Variants in LPP observed in about 807,000 individuals in gnomAD.
LPP encodes the protein LIM domain containing preferred translocation partner in lipoma.
A neutral mutation model predicts 60.4 loss-of-function variants in LPP; 38 were observed. The ratio of observed to expected loss-of-function variants is 0.63; its 90% CI spans 0.49 to 0.83. LPP has a LOEUF of 0.83. Among genes scored for constraint, LPP ranks in the 40% least tolerant of loss-of-function variants. LPP has a pLI of 0.00. For missense variants in LPP, 902 were observed against 783.6 expected (o/e 1.15, Z -1.80); for synonymous variants, 328 against 290.8 (o/e 1.13, Z -1.30).
intron 9 of LPP, among the ~76,000 whole-genome samples, chr3:188,797,115 C>CCCTCCTCCT (rs4011849): frequency 0.025 from 3,769 of 149,742 alleles, 93 homozygotes; most frequent in African/African-American, 0.066. Flanking sequence ...AGCTCTTTTC[C>CCCTCCTCCT]CCTCCTCCTC....
chr3:188,777,502 T>C (rs1738206370), intron 9 of LPP, among the ~76,000 whole-genome samples: 1 of 152,132 alleles, frequency 6.6e-6, no homozygotes, highest in Non-Finnish European at 1.5e-5. Flanking sequence ...TAAATGGGAA[T>C]TATTTTAAGT....
At chr3:188,851,999 A>G (rs980567777) in intron 9 of LPP, among the ~76,000 whole-genome samples, 6 of 152,110 alleles carry the variant, frequency 3.9e-5, no homozygotes, top group African/African-American at 1.2e-4. Flanking sequence ...ACCTGTCTCT[A>G]CTAAAAATAC....
chr3:188,350,822 C>T (rs1422316188), intron 3 of LPP, among the ~76,000 whole-genome samples: 1 of 152,180 alleles, frequency 6.6e-6, no homozygotes, highest in African/African-American at 2.4e-5. Flanking sequence ...GAATCTAAGA[C>T]ATAAAACGAA....
rs1043863735 is a variant in LPP at position 188,866,191 on chromosome 3, C to G, written c.1411-9C>G. ...CCCAGTCTGACGTGGTTTCTGTTTC[C>G]TTCCCCAGAATACTCTGGAGCAGTG... On this transcript the variant is annotated splice_polypyrimidine_tract_variant and intron_variant, in intron 9 of 11. Transcript: ENST00000617246. 3 of 1,452,722 alleles carry G rather than the reference C, an allele frequency of 2.1e-6. No individual in the cohort carries two copies. The highest frequency in any genetic ancestry group is 2.7e-6 in the Non-Finnish European group (3 of 1,092,354). 90.0% of individuals were successfully genotyped at this position (1,452,722 alleles called of 1,614,324 possible). A position where few individuals can be genotyped will look rare whatever the true frequency, so the allele number is the denominator to read the frequency against.
intron 7 of LPP, among the ~76,000 whole-genome samples, chr3:188,636,806 C>T (rs899775684): frequency 7.2e-5 from 11 of 151,784 alleles, no homozygotes; most frequent in Non-Finnish European, 1.5e-5. Flanking sequence ...ACGCTGACAC[C>T]TCACACGGCA....
intron 2 of LPP, among the ~76,000 whole-genome samples, chr3:188,334,070 A>C (rs150762478): frequency 1.1e-3 from 168 of 152,204 alleles, no homozygotes; most frequent in African/African-American, 3.9e-3. Context: ...TTTACTCTCT[A>C]TGTGATCGAT....
chr3:188,407,791 T>TTTTTTTTTTTTTTTTTTTTTTTTG (rs1783984681), intron 4 of LPP, among the ~76,000 whole-genome samples: 1 of 34,136 alleles, frequency 2.9e-5, no homozygotes, highest in African/African-American at 4.9e-5. Context: ...TTTGTTTGTT[T>TTTTTTTTTTTTTTTTTTTTTTTTG]TTTTTTTTTT....
chr3:188,225,777 G>T (rs59070844), intron 2 of LPP, among the ~76,000 whole-genome samples: 1 of 152,220 alleles, frequency 6.6e-6, no homozygotes, highest in South Asian at 2.1e-4. Context: ...GAAGGTGGTA[G>T]CATTGAACTT....
At position 188,825,544 on chromosome 3, in the gene LPP, A is replaced by G. The variant is rs144780864; in HGVS notation, c.1411-40656A>G. On this transcript the variant is annotated intron_variant, in intron 9 of 11. Transcript: ENST00000617246. ...TCTGAAGTGTGAATCTATTGCTATT[A>G]TCCTCAGTTTGGCAGGCGACAGGGT... 1.5e-3 allele frequency among the ~76,000 whole-genome samples: 234 copies of G among 152,068 alleles called. 1 individual carries two copies. The highest frequency in any genetic ancestry group is 5.6e-3 in the African/African-American group (231 of 41,490).
At chr3:188,704,556 T>C (rs1002185195) in intron 7 of LPP, among the ~76,000 whole-genome samples, 1 of 152,180 alleles carries the variant, frequency 6.6e-6, no homozygotes, top group Non-Finnish European at 1.5e-5. Context: ...ACTCACCATC[T>C]CATTTCAGTC....
At chr3:188,788,026 G>A (rs1311511638) in intron 9 of LPP, among the ~76,000 whole-genome samples, 1 of 152,150 alleles carries the variant, frequency 6.6e-6, no homozygotes, top group Non-Finnish European at 1.5e-5. Context: ...TCCATGAATG[G>A]CATTACCTTG....
chr3:188,219,308 C>G (rs1383704886), intron 1 of LPP, among the ~76,000 whole-genome samples: 1 of 152,170 alleles, frequency 6.6e-6, no homozygotes, highest in Non-Finnish European at 1.5e-5. Flanking sequence ...TTCTTTGACT[C>G]TATCCTGTTC....
At chr3:188,780,510 C>T (rs1402005268) in intron 9 of LPP, among the ~76,000 whole-genome samples, 30 of 152,108 alleles carry the variant, frequency 2.0e-4, no homozygotes, top group Admixed American at 2.0e-3. Context: ...CCAAAGGAAT[C>T]ATCTGTGAAG....
Position 188,505,747 on chromosome 3 carries a change from C to T in LPP, c.307-18918C>T, listed in dbSNP as rs1022665868. 3.9e-5 allele frequency among the ~76,000 whole-genome samples: 6 copies of T among 152,300 alleles called. No homozygotes were observed. The East Asian group carries it at 9.6e-4, about 24-fold the overall frequency. ...TTATTTCAATCTCTTTATTTTCTTG[C>T]CCATCATCCTAGTTCATATCTTCTG... On this transcript the variant is annotated intron_variant, in intron 5 of 11. Transcript: ENST00000617246.
At chr3:188,568,557 A>C (rs1476299278) in intron 6 of LPP, 1 of 151,972 alleles carries the variant, frequency 6.6e-6, no homozygotes, top group Non-Finnish European at 1.5e-5. Context: ...TTGGTGCTAT[A>C]GACCAGTACT....
chr3:188,506,126 G>C (rs189294329), intron 5 of LPP, among the ~76,000 whole-genome samples: 5 of 152,220 alleles, frequency 3.3e-5, no homozygotes, highest in Admixed American at 6.5e-5. Flanking sequence ...CTGACAACTG[G>C]ATCATCTTGA....
intron 5 of LPP, among the ~76,000 whole-genome samples, chr3:188,516,759 G>C (rs75039128): frequency 0.023 from 3,455 of 151,898 alleles, 130 homozygotes; most frequent in African/African-American, 0.078. Context: ...CTACGAACTT[G>C]GTAGAAATGT....
chr3:188,294,900 C>T (rs1461940967), intron 2 of LPP, among the ~76,000 whole-genome samples: 1 of 152,234 alleles, frequency 6.6e-6, no homozygotes, highest in Non-Finnish European at 1.5e-5. Context: ...GAGTCCTGGC[C>T]AGTGTCTGAC....
intron 7 of LPP, among the ~76,000 whole-genome samples, chr3:188,685,366 C>T (rs960875096): frequency 3.9e-5 from 6 of 152,012 alleles, no homozygotes; most frequent in African/African-American, 1.4e-4. Flanking sequence ...GTGTGGTCCA[C>T]AGCCTCGGTG....
Sources: gnomAD v4.1 joint callset for allele counts (sites outside exome capture counted in the v4.1 genomes callset) on GRCh38, gnomAD v4.1.1 for gene constraint, MANE v1.5 for transcripts, NCBI Gene and HGNC (gene_info 2026-07-23, HGNC 2026-07-21) for gene names.